Variants in UBE2E1 observed in about 807,000 individuals in gnomAD.
The protein encoded by UBE2E1 is ubiquitin conjugating enzyme E2 E1.
Under a neutral mutation model 21.4 loss-of-function variants are expected in UBE2E1, and 6 were observed. That is an observed-to-expected ratio of 0.28 (90% confidence interval 0.15 to 0.55). UBE2E1 has a LOEUF of 0.55. UBE2E1 is among the 20% of genes least tolerant of loss of function. The probability of loss-of-function intolerance (pLI) is 0.93; values close to 1 mark genes in which losing one functional copy is unlikely to be tolerated. For synonymous variants in UBE2E1, 87 were observed against 82.7 expected (o/e 1.05, Z -0.28); for missense variants, 142 against 236.5 (o/e 0.60, Z 2.62).
At position 23,850,749 on chromosome 3, in the gene UBE2E1, A is replaced by G. The variant is rs573725536; in HGVS notation, c.204-36818A>G. Among the ~76,000 whole-genome samples the G allele has an allele frequency of 8.5e-5, 12 of 141,588 alleles. No individual in the cohort carries two copies. In the East Asian group the frequency reaches 2.5e-3, roughly 29 times the overall value. The allele number at this position is 141,588 out of a possible 152,430, so 92.9% of individuals were successfully genotyped here. ...CCCATGCCAGAGCTGTGGCATGATC[A>G]TGGCTGTCTGCAGCCTCAGGCTCAA... On this transcript the variant is annotated intron_variant, in intron 3 of 5. Transcript: ENST00000306627.
At chr3:23,845,025 A>G (rs1700167546) in intron 3 of UBE2E1, among the ~76,000 whole-genome samples, 2 of 152,158 alleles carry the variant, frequency 1.3e-5, no homozygotes, top group Non-Finnish European at 2.9e-5. Context: ...GACTCACCAC[A>G]AGGAGGTAAA....
intron 3 of UBE2E1, among the ~76,000 whole-genome samples, chr3:23,844,081 T>C (rs1247566888): frequency 6.6e-6 from 1 of 152,166 alleles, no homozygotes; most frequent in African/African-American, 2.4e-5. Flanking sequence ...AAATAATTTG[T>C]GGGAGAGCCA....
At chr3:23,846,698 C>CAAAAAAAA (rs10662469) in intron 3 of UBE2E1, among the ~76,000 whole-genome samples, 1 of 89,818 alleles carries the variant, frequency 1.1e-5, no homozygotes, top group Non-Finnish European at 2.0e-5. Context: ...TCCATCTCAT[C>CAAAAAAAA]AAAAAAAAAA....
At chr3:23,844,159 C>T (rs1294333909) in intron 3 of UBE2E1, among the ~76,000 whole-genome samples, 1 of 151,980 alleles carries the variant, frequency 6.6e-6, no homozygotes, top group Non-Finnish European at 1.5e-5. Flanking sequence ...GTTTGTGAGC[C>T]CTCCCCTTCC....
At chr3:23,849,985 A>C (rs1700286808) in intron 3 of UBE2E1, among the ~76,000 whole-genome samples, 1 of 152,234 alleles carries the variant, frequency 6.6e-6, no homozygotes, top group Non-Finnish European at 1.5e-5. Flanking sequence ...AATGACATTC[A>C]GAATTGTATT....
In UBE2E1 at chr3:23,810,439, C is replaced by A. The variant is rs1699359900; in HGVS notation, c.153-1021C>A. On this transcript the variant is annotated intron_variant, in intron 2 of 5. Coordinates refer to ENST00000306627, the MANE Select transcript of UBE2E1 (RefSeq NM_003341.5). This position sits in a 1 kb window ranked among gnomAD's most constrained non-coding sequence, Gnocchi z 5.8. ...GGTGCGGAGGGAGAAAACTGCAGGT[C>A]TCCAGTCTATCCCCAGTGTGAGCTA... 5 of 1,535,342 alleles carry A rather than the reference C, an allele frequency of 3.3e-6. No individual in the cohort carries two copies. Among genetic ancestry groups the A allele is most frequent in the Non-Finnish European group, 4.4e-6 (5 of 1,146,484 alleles).
At chr3:23,833,384 A>G (rs939357026) in intron 3 of UBE2E1, among the ~76,000 whole-genome samples, 1 of 152,222 alleles carries the variant, frequency 6.6e-6, no homozygotes, top group Admixed American at 6.5e-5. Flanking sequence ...TTTGTTTCCT[A>G]GGCACCTTTG....
At chr3:23,872,288 A>T (rs1000142358) in intron 3 of UBE2E1, among the ~76,000 whole-genome samples, 5 of 150,012 alleles carry the variant, frequency 3.3e-5, no homozygotes, top group Admixed American at 6.6e-5. Context: ...CAGGAGAATC[A>T]GGCAGGGAGG....
chr3:23,841,700 C>T (rs909959770), intron 3 of UBE2E1, among the ~76,000 whole-genome samples: 3 of 152,200 alleles, frequency 2.0e-5, no homozygotes, highest in Non-Finnish European at 4.4e-5. Flanking sequence ...TTTGTAGCCA[C>T]CATTAACCAA....
intron 5 of UBE2E1, among the ~76,000 whole-genome samples, chr3:23,890,228 AG>A (rs1701354141): frequency 6.6e-6 from 1 of 152,192 alleles, no homozygotes; most frequent in East Asian, 1.9e-4. Flanking sequence ...AACACATAAG[AG>A]TAAAGAAACT....
At chr3:23,888,308 CTCAT>C (rs1430917979) in intron 4 of UBE2E1, 1 of 455,916 alleles carries the variant, frequency 2.2e-6, no homozygotes, top group African/African-American at 2.0e-5. Flanking sequence ...ATCTATGATT[CTCAT>C]TCAGTCAGAA....
Position 23,890,680 on chromosome 3 carries a change from G to T in UBE2E1, c.*74G>T, listed in dbSNP as rs1200606094. ...TGCTTATGATTTTGAAGGGGTCAGG[G>T]AGGGTGGGAGTTGGTAAAGAGTAGG... On this transcript the variant is annotated 3_prime_UTR_variant, in exon 6 of 6. Coordinates refer to ENST00000306627, the MANE Select transcript of UBE2E1 (RefSeq NM_003341.5). 7.5e-5 allele frequency: 82 copies of T among 1,100,214 alleles called. No homozygotes were observed. Among genetic ancestry groups the T allele is most frequent in the Admixed American group, 2.0e-4 (9 of 44,272 alleles). 68.2% of individuals were successfully genotyped at this position (1,100,214 alleles called of 1,614,324 possible). A position where few individuals can be genotyped will look rare whatever the true frequency, so the allele number is the denominator to read the frequency against.
In UBE2E1 at chr3:23,806,571, G is replaced by A. The variant is rs1220042288; in HGVS notation, c.-34+483G>A. Among the ~76,000 whole-genome samples the A allele has an allele frequency of 6.8e-6, 1 of 147,458 alleles. No homozygotes were observed. Among genetic ancestry groups the A allele is most frequent in the East Asian group, 2.1e-4 (1 of 4,654 alleles). On this transcript the variant is annotated intron_variant, in intron 1 of 5. Coordinates refer to ENST00000306627, the MANE Select transcript of UBE2E1 (RefSeq NM_003341.5). This position sits in a 1 kb window ranked among gnomAD's most constrained non-coding sequence, Gnocchi z 6.5. Reference sequence around the variant, plus strand: ...GGAGTGGCGATCGGGCGTGTGCTCCGGACCCCCGCCCGGCCGCATAGCTGT... The same window carrying A: ...GGAGTGGCGATCGGGCGTGTGCTCCAGACCCCCGCCCGGCCGCATAGCTGT...
chr3:23,815,334 T>C (rs568168387), intron 3 of UBE2E1, among the ~76,000 whole-genome samples: 1 of 152,334 alleles, frequency 6.6e-6, no homozygotes, highest in East Asian at 1.9e-4. Flanking sequence ...CTTCTTTTGA[T>C]AGCTTTTTTT....
chr3:23,847,668 C>T (rs906681577), intron 3 of UBE2E1, among the ~76,000 whole-genome samples: 11 of 151,436 alleles, frequency 7.3e-5, no homozygotes, highest in African/African-American at 2.7e-4. Context: ...CTAATTTTTT[C>T]TAATTTTTAT....
At position 23,823,817 on chromosome 3, in the gene UBE2E1, A is replaced by T. The variant is rs1699695425; in HGVS notation, c.203+12307A>T. 6.6e-6 allele frequency among the ~76,000 whole-genome samples: 1 copy of T among 152,244 alleles called. No homozygotes were observed. Among genetic ancestry groups the T allele is most frequent in the African/African-American group, 2.4e-5 (1 of 41,462 alleles). On this transcript the variant is annotated intron_variant, in intron 3 of 5. Coordinates refer to ENST00000306627, the MANE Select transcript of UBE2E1 (RefSeq NM_003341.5). The surrounding 1 kb of genome is among the most constrained non-coding windows in gnomAD (Gnocchi z 4.2). The stretch of plus-strand genomic sequence containing the variant: ...CTGGCAGTAAAGTTAGCAGCGTCAT[A>T]TACTACTTGCTAGTATATCACACTG...
intron 3 of UBE2E1, among the ~76,000 whole-genome samples, chr3:23,872,862 C>G (rs1700833162): frequency 6.6e-6 from 1 of 151,974 alleles, no homozygotes; most frequent in Non-Finnish European, 1.5e-5. Flanking sequence ...ACTAAAAATA[C>G]AAAAATTAGT....
At chr3:23,881,469 TCA>T (rs1448672350) in intron 3 of UBE2E1, among the ~76,000 whole-genome samples, 1 of 152,224 alleles carries the variant, frequency 6.6e-6, no homozygotes, top group Non-Finnish European at 1.5e-5. Flanking sequence ...GAGGTTCTAA[TCA>T]CAGTTAAATT....
intron 3 of UBE2E1, among the ~76,000 whole-genome samples, chr3:23,852,449 G>T (rs34700313): frequency 6.6e-6 from 1 of 151,900 alleles, no homozygotes; most frequent in East Asian, 1.9e-4. Flanking sequence ...TGGTTTTTGT[G>T]TATTAATTTT....
Sources: gnomAD v4.1 joint callset for allele counts (sites outside exome capture counted in the v4.1 genomes callset) on GRCh38, gnomAD v4.1.1 for gene constraint, Gnocchi (gnomAD v3.1) non-coding constraint, MANE v1.5 for transcripts, NCBI Gene and HGNC (gene_info 2026-07-23, HGNC 2026-07-21) for gene names.